Variants in KIF27 observed in about 807,000 individuals in gnomAD.
The protein encoded by KIF27 is kinesin-like protein KIF27.
Under a neutral mutation model 141.8 loss-of-function variants are expected in KIF27, and 84 were observed. The ratio of observed to expected loss-of-function variants is 0.59; its 90% CI spans 0.50 to 0.71. The LOEUF is 0.71. KIF27 is among the 30% of genes least tolerant of loss of function. KIF27 has a pLI of 0.00. For synonymous variants in KIF27, 471 were observed against 569.5 expected, an observed-to-expected ratio of 0.83 and a Z score of 2.46; for missense variants, 1,306 against 1,628.4, an observed-to-expected ratio of 0.80 and a Z score of 3.41.
intron 9 of KIF27, among the ~76,000 whole-genome samples, chr9:83,886,476 T>G (rs1952116969): frequency 6.6e-6 from 1 of 152,186 alleles, no homozygotes; most frequent in Admixed American, 6.5e-5. Context: ...AAGACTTCTC[T>G]TGAATAGCAG....
intron 9 of KIF27, 65 bp from the exon 10 acceptor site, chr9:83,884,083 T>C: frequency 8.6e-7 from 1 of 1,162,688 alleles, no homozygotes; most frequent in Non-Finnish European, 1.2e-6. Context: ...ATCCAAAACA[T>C]AAAAATACTC....
At chr9:83,874,305 A>C (rs1434547556) in intron 11 of KIF27, among the ~76,000 whole-genome samples, 1 of 152,086 alleles carries the variant, frequency 6.6e-6, no homozygotes, top group Non-Finnish European at 1.5e-5. Flanking sequence ...TCACACCACC[A>C]CCCACAATTT....
In KIF27 at chr9:83,902,185, T is replaced by TA. The variant is rs1413055603; in HGVS notation, c.1458+874dup. 2.6e-5 allele frequency among the ~76,000 whole-genome samples: 4 copies of TA among 152,258 alleles called. No homozygotes were observed. In the Middle Eastern group the frequency reaches 0.01, roughly 388 times the overall value. ...CTTTGAGGAAATATGTCTAGCTAGA[T>TA]AGAGAAATAAGCTTAGAGCTTAAAA... On this transcript the variant is annotated intron_variant, in intron 4 of 17. Coordinates refer to ENST00000297814, the MANE Select transcript of KIF27 (RefSeq NM_017576.4).
intron 3 of KIF27, among the ~76,000 whole-genome samples, chr9:83,907,134 C>T (rs988134877): frequency 2.6e-5 from 4 of 151,246 alleles, no homozygotes; most frequent in Non-Finnish European, 5.9e-5. Context: ...ACTAAAAATA[C>T]AAAAAATTAG....
intron 11 of KIF27, among the ~76,000 whole-genome samples, chr9:83,875,651 A>G (rs2132120830): frequency 6.6e-6 from 1 of 152,258 alleles, no homozygotes; most frequent in Non-Finnish European, 1.5e-5. Flanking sequence ...GAGAACAAGC[A>G]ATCAGGAAGA....
chr9:83,835,141 T>G lies in KIF27; in HGVS notation c.*1860A>C, dbSNP rs900133729. On this transcript the variant is annotated 3_prime_UTR_variant, in exon 18 of 18. Transcript: ENST00000297814. Reference sequence around the variant, plus strand: ...CTTATGGAAATACAAACACATTTCCTTATATACTTGTATATGTACAAGTGT... The same window carrying G: ...CTTATGGAAATACAAACACATTTCCGTATATACTTGTATATGTACAAGTGT... Among the ~76,000 whole-genome samples the G allele has an allele frequency of 2.7e-5, 4 of 150,014 alleles. No homozygotes were observed. Among genetic ancestry groups the G allele is most frequent in the African/African-American group, 9.7e-5 (4 of 41,026 alleles).
At chr9:83,862,261 C>T (rs1949998124) in intron 13 of KIF27, among the ~76,000 whole-genome samples, 1 of 151,946 alleles carries the variant, frequency 6.6e-6, no homozygotes, top group Non-Finnish European at 1.5e-5. Flanking sequence ...ATGCCTATGT[C>T]CTGAATGGTA....
chr9:83,903,012 A>C, intron 4 of KIF27, 48 bp downstream of exon 4: 1 of 1,174,032 alleles, frequency 8.5e-7, no homozygotes, highest in South Asian at 1.6e-5. Flanking sequence ...TACATCTATT[A>C]TGTATCAATA....
At chr9:83,888,324 A>C (rs1278569722) in intron 8 of KIF27, among the ~76,000 whole-genome samples, 165 bp downstream of exon 8, 1 of 152,202 alleles carries the variant, frequency 6.6e-6, no homozygotes, top group African/African-American at 2.4e-5. Context: ...AAAAGAGTAA[A>C]AGAGGTAAAA....
In KIF27 at chr9:83,889,187, T is replaced by A. The variant is rs1483150342; in HGVS notation, c.1876A>T (p.Met626Leu). 1.4e-5 allele frequency: 23 copies of A among 1,613,836 alleles called. No individual in the cohort carries two copies. Among genetic ancestry groups the A allele is most frequent in the Admixed American group, 3.3e-5 (2 of 59,992 alleles). ...TGTTCTTCTATGTGACCCAACAGCATCTGACTTCGTGTTCGAAATCCAGCA... is the reference window on the plus strand; with the variant it reads ...TGTTCTTCTATGTGACCCAACAGCAACTGACTTCGTGTTCGAAATCCAGCA... Reference protein sequence around the residue: ...IFAGFRTRSQMLLGHIEEQDK... With the variant: ...IFAGFRTRSQLLLGHIEEQDK... Residue 626 changes from methionine to leucine, a missense_variant, in exon 7 of 18, where the codon ATG (methionine) becomes TTG (leucine). Coordinates refer to ENST00000297814, the MANE Select transcript of KIF27 (RefSeq NM_017576.4).
intron 17 of KIF27, 141 bp downstream of exon 17, chr9:83,842,096 C>T (rs534979111): frequency 3.3e-5 from 33 of 1,000,206 alleles, no homozygotes; most frequent in Non-Finnish European, 4.0e-5. Context: ...CTTTAGACAA[C>T]GATTTTTGTT....
chr9:83,839,012 T>C (rs1186418970), intron 17 of KIF27, among the ~76,000 whole-genome samples: 2 of 152,150 alleles, frequency 1.3e-5, no homozygotes, highest in Non-Finnish European at 2.9e-5. Flanking sequence ...TCCTGCTCCC[T>C]AGCTGGGTGC....
chr9:83,912,086 T>TA (rs58197152), intron 2 of KIF27, among the ~76,000 whole-genome samples: 124 of 151,134 alleles, frequency 8.2e-4, no homozygotes, highest in East Asian at 1.5e-3. Context: ...GTAAAAATAG[T>TA]AAAAAAAAAG....
intron 4 of KIF27, among the ~76,000 whole-genome samples, chr9:83,902,813 A>G (rs1210764720): frequency 6.6e-6 from 1 of 152,112 alleles, no homozygotes; most frequent in African/African-American, 2.4e-5. Context: ...GGAGGAAGCA[A>G]TAGGAAAGGG....
intron 15 of KIF27, among the ~76,000 whole-genome samples, chr9:83,851,203 A>G (rs1266110476): frequency 6.6e-6 from 1 of 152,050 alleles, no homozygotes; most frequent in Non-Finnish European, 1.5e-5. Context: ...AATGTAATCT[A>G]TGCAGTTTAC....
chr9:83,839,490 G>T (rs1442797167), intron 17 of KIF27, among the ~76,000 whole-genome samples: 1 of 152,098 alleles, frequency 6.6e-6, no homozygotes, highest in Non-Finnish European at 1.5e-5. Context: ...GAGAATGTAG[G>T]TTCATATAAA....
At chr9:83,850,431 C>T (rs1358005997) in intron 15 of KIF27, 134 bp from the exon 16 acceptor site, 2 of 645,326 alleles carry the variant, frequency 3.1e-6, no homozygotes, top group Non-Finnish European at 5.5e-6. Context: ...GTATTGGGTC[C>T]TTAGGCAAAT....
rs56375513 is a variant in KIF27, at chr9:83,864,968, G to A, written c.2934+2716C>T. ...CTCTTTTGATCTTTCTTAGTTTAAA[G>A]TCTGTTTTATCAGAGACTAGGACTG... On this transcript the variant is annotated intron_variant, in intron 13 of 17. Coordinates refer to ENST00000297814, the MANE Select transcript of KIF27 (RefSeq NM_017576.4). Among the ~76,000 whole-genome samples the A allele has an allele frequency of 4.3e-3, 649 of 152,238 alleles. 2 individuals are homozygous for A. Among genetic ancestry groups the A allele is most frequent in the Non-Finnish European group, 7.3e-3 (496 of 68,012 alleles).
chr9:83,885,241 C>T (rs1287129665), intron 9 of KIF27, among the ~76,000 whole-genome samples: 6 of 152,068 alleles, frequency 3.9e-5, no homozygotes, highest in Non-Finnish European at 8.8e-5. Context: ...TACAGGCACA[C>T]GCCACCATGC....
Sources: allele counts gnomAD v4.1 joint callset (sites outside exome capture counted in the v4.1 genomes callset), GRCh38; gene constraint gnomAD v4.1.1; transcripts MANE v1.5; gene names NCBI Gene and HGNC (gene_info 2026-07-23, HGNC 2026-07-21).